MCPH1: variants seen among roughly 807,000 people sequenced by gnomAD.
MCPH1 encodes microcephalin.
A neutral mutation model predicts 84.5 loss-of-function variants in MCPH1; 104 were observed. The observed-to-expected ratio is 1.23, with a 90% CI of 1.05 to 1.45. The LOEUF (loss-of-function observed/expected upper bound fraction) is 1.45, where lower values mean the gene tolerates loss of function less well. Among genes scored for constraint, MCPH1 ranks in the 40% most tolerant of loss-of-function variants. The pLI is 0.00. For synonymous variants in MCPH1, 514 were observed against 366.8 expected (o/e 1.40, Z -4.58); for missense variants, 1,498 against 1,005.7 (o/e 1.49, Z -6.62).
At chr8:6,492,701 A>T (rs778730074) in intron 11 of MCPH1, among the ~76,000 whole-genome samples, 497 of 146,732 alleles carry the variant, frequency 3.4e-3, no homozygotes, top group Non-Finnish European at 5.9e-3. Context: ...AAATTTTTTT[A>T]AAAATAAATA....
At chr8:6,512,588 T>A (rs2922903) in intron 12 of MCPH1, among the ~76,000 whole-genome samples, 11 of 151,978 alleles carry the variant, frequency 7.2e-5, no homozygotes, top group South Asian at 2.1e-4. Flanking sequence ...ACAGTCTCAC[T>A]TCTCTGCCCC....
At chr8:6,628,063 G>T (rs1796875918) in intron 13 of MCPH1, among the ~76,000 whole-genome samples, 1 of 152,176 alleles carries the variant, frequency 6.6e-6, no homozygotes, top group South Asian at 2.1e-4. Flanking sequence ...TCAAACTAAT[G>T]GTCCTGGATG....
At chr8:6,609,473 A>G (rs777702746) in intron 12 of MCPH1, among the ~76,000 whole-genome samples, 6 of 152,246 alleles carry the variant, frequency 3.9e-5, no homozygotes, top group Non-Finnish European at 7.3e-5. Flanking sequence ...AAAAAACCTC[A>G]AATGATGCTT....
rs71213313 is a variant in MCPH1, at chr8:6,527,899, A to ATTTTTTTTTTTTTT, written c.2214+27971_2214+27984dup. Reference sequence around the variant, plus strand: ...TTTTTACTCTTTTCCCCACGTCTCTATTTTTTTTTTTTTTGAGATGGAATC... The same window carrying ATTTTTTTTTTTTTT: ...TTTTTACTCTTTTCCCCACGTCTCTATTTTTTTTTTTTTTTTTTTTTTTTTTTTGAGATGGAATC... On this transcript the variant is annotated intron_variant, in intron 12 of 13. Transcript: ENST00000344683. Among the ~76,000 whole-genome samples the ATTTTTTTTTTTTTT allele has an allele frequency of 1.0e-3, 136 of 133,126 alleles. 1 individual carries two copies. The highest frequency in any genetic ancestry group is 1.3e-3 in the African/African-American group (48 of 37,876). 87.3% of individuals were successfully genotyped at this position (133,126 alleles called of 152,430 possible).
intron 13 of MCPH1, among the ~76,000 whole-genome samples, chr8:6,635,752 A>G (rs1797501412): frequency 6.6e-6 from 1 of 152,152 alleles, no homozygotes; most frequent in South Asian, 2.1e-4. Flanking sequence ...CAGAGGACCC[A>G]CTTCCTGGGC....
intron 11 of MCPH1, among the ~76,000 whole-genome samples, chr8:6,498,568 A>G (rs1002075324): frequency 1.3e-5 from 2 of 152,162 alleles, no homozygotes; most frequent in South Asian, 2.1e-4. Context: ...TCTCCATGAG[A>G]TTGTTTAAAT....
intron 3 of MCPH1, among the ~76,000 whole-genome samples, chr8:6,417,114 T>C (rs1443780222): frequency 6.6e-6 from 1 of 152,240 alleles, no homozygotes; most frequent in Admixed American, 6.5e-5. Flanking sequence ...TTTACAGAAC[T>C]TGTTGAATGT....
At chr8:6,617,745 C>T (rs1276351275) in intron 12 of MCPH1, among the ~76,000 whole-genome samples, 1 of 151,828 alleles carries the variant, frequency 6.6e-6, no homozygotes, top group Non-Finnish European at 1.5e-5. Flanking sequence ...GTCACAATCA[C>T]AGTTCACTGC....
At chr8:6,471,118 A>G (rs1440160912) in intron 9 of MCPH1, among the ~76,000 whole-genome samples, 2 of 152,042 alleles carry the variant, frequency 1.3e-5, no homozygotes, top group African/African-American at 4.8e-5. Context: ...TGGATCTTGG[A>G]CCTACCACCA....
chr8:6,571,468 C>T (rs1220103847), intron 12 of MCPH1, among the ~76,000 whole-genome samples: 2 of 152,116 alleles, frequency 1.3e-5, no homozygotes, highest in African/African-American at 2.4e-5. Flanking sequence ...AAAATATGTC[C>T]AGTCTCTTTG....
chr8:6,427,768 G>A (rs192495278), intron 3 of MCPH1, among the ~76,000 whole-genome samples: 2 of 148,190 alleles, frequency 1.3e-5, no homozygotes, highest in Non-Finnish European at 3.0e-5. Flanking sequence ...TACCTAATAC[G>A]AGTACTTCGT....
intron 3 of MCPH1, among the ~76,000 whole-genome samples, chr8:6,419,514 T>G (rs1799851797): frequency 6.6e-6 from 1 of 151,718 alleles, no homozygotes; most frequent in African/African-American, 2.4e-5. Flanking sequence ...TGCCTCAGCC[T>G]CCCGAGTAGC....
chr8:6,566,525 C>T (rs966843130), intron 12 of MCPH1, among the ~76,000 whole-genome samples: 1 of 152,114 alleles, frequency 6.6e-6, no homozygotes, highest in African/African-American at 2.4e-5. Flanking sequence ...GTACAGTGAC[C>T]ACCTGTGGTC....
intron 13 of MCPH1, among the ~76,000 whole-genome samples, chr8:6,632,821 G>GAA (rs11464307): frequency 2.7e-5 from 4 of 149,972 alleles, no homozygotes; most frequent in East Asian, 3.9e-4. Context: ...AAGAAGAAAA[G>GAA]AAAAAAAAAC....
At chr8:6,418,640 T>C in intron 3 of MCPH1, among the ~76,000 whole-genome samples, 1 of 152,204 alleles carries the variant, frequency 6.6e-6, no homozygotes, top group African/African-American at 2.4e-5. Context: ...TGGAGTGCAG[T>C]GGCGCGATCT....
intron 3 of MCPH1, among the ~76,000 whole-genome samples, chr8:6,416,465 A>T (rs917649696): frequency 6.6e-6 from 1 of 152,124 alleles, no homozygotes; most frequent in African/African-American, 2.4e-5. Context: ...GTCCTTTTTT[A>T]GGCTGAGGAC....
At chr8:6,448,039 C>T (rs1804651412) in intron 8 of MCPH1, among the ~76,000 whole-genome samples, 1 of 152,104 alleles carries the variant, frequency 6.6e-6, no homozygotes, top group African/African-American at 2.4e-5. Flanking sequence ...AGACATGCAC[C>T]CGTTGTGTCT....
intron 12 of MCPH1, among the ~76,000 whole-genome samples, chr8:6,584,709 A>C (rs1018237202): frequency 2.6e-5 from 4 of 152,242 alleles, no homozygotes; most frequent in African/African-American, 9.6e-5. Context: ...GACTTTTCAT[A>C]GTGACTCTAC....
At chr8:6,485,856 C>G (rs1809825371) in intron 11 of MCPH1, among the ~76,000 whole-genome samples, 1 of 151,934 alleles carries the variant, frequency 6.6e-6, no homozygotes, top group Admixed American at 6.6e-5. Context: ...GCAATGGTAA[C>G]CGCAATGGTA....
Sources: allele counts gnomAD v4.1 joint callset (sites outside exome capture counted in the v4.1 genomes callset), GRCh38; gene constraint gnomAD v4.1.1; transcripts MANE v1.5; gene names NCBI Gene and HGNC (gene_info 2026-07-23, HGNC 2026-07-21).